LMNA: variants seen among roughly 807,000 people sequenced by gnomAD.
LMNA encodes the protein lamin.
LMNA carries 20 observed loss-of-function variants against 70.4 expected under a neutral mutation model. The observed-to-expected ratio is 0.28, with a 90% CI of 0.20 to 0.41. The LOEUF is 0.41. Among genes scored for constraint, LMNA ranks in the 10% least tolerant of loss-of-function variants. The pLI, the probability that LMNA is intolerant of heterozygous loss-of-function variation, is 1.00. For missense variants in LMNA, 652 were observed against 917.2 expected, an observed-to-expected ratio of 0.71 and a Z score of 3.73; for synonymous variants, 339 against 372.8, an observed-to-expected ratio of 0.91 and a Z score of 1.04.
intron 2 of LMNA, among the ~76,000 whole-genome samples, chr1:156,087,795 C>A (rs1476522262): frequency 6.6e-6 from 1 of 152,118 alleles, no homozygotes; most frequent in African/African-American, 2.4e-5. Flanking sequence ...TCAGGTGATC[C>A]TCCCACTTCA....
chr1:156,130,107 G>C (rs928501142), intron 1 of LMNA, among the ~76,000 whole-genome samples: 8 of 152,140 alleles, frequency 5.3e-5, no homozygotes, highest in African/African-American at 1.9e-4. Context: ...TGTGTAAAAG[G>C]GACTAGGAGA....
Position 156,134,534 on chromosome 1 carries a change from G to A in LMNA, c.639+6G>A. 6.2e-7 allele frequency: 1 copy of A among 1,613,832 alleles called. No individual in the cohort carries two copies. The highest frequency in any genetic ancestry group is 2.2e-5 in the East Asian group (1 of 44,888). On this transcript the variant is annotated splice_donor_region_variant and intron_variant, in intron 3 of 11. Transcript: ENST00000368300. This position sits in a 1 kb window ranked among gnomAD's most constrained non-coding sequence, Gnocchi z 5.3. ...AGAAGAACATCTACAGTGAGGTGGGGACTGTGCTTTGCAAGCCAGAGGGCT... is the reference window on the plus strand; with the variant it reads ...AGAAGAACATCTACAGTGAGGTGGGAACTGTGCTTTGCAAGCCAGAGGGCT...
At position 156,103,794 on chromosome 1, in the gene LMNA, C is replaced by CT. The variant is rs1310639737; in HGVS notation, c.-206-10916dup. 6.6e-6 allele frequency among the ~76,000 whole-genome samples: 1 copy of CT among 152,166 alleles called. No homozygotes were observed. The highest frequency in any genetic ancestry group is 1.5e-5 in the Non-Finnish European group (1 of 68,016). Reference sequence around the variant, plus strand: ...TTGAACATACCCCACCCTCCCTGCTCTTTATCCCTCAACGCCCTCCCCTGC... The same window carrying CT: ...TTGAACATACCCCACCCTCCCTGCTCTTTTATCCCTCAACGCCCTCCCCTGC... On this transcript the variant is annotated intron_variant, in intron 3 of 12. Transcript: ENST00000368301. This position sits in a 1 kb window ranked among gnomAD's most constrained non-coding sequence, Gnocchi z 4.7.
At position 156,136,966 on chromosome 1, in the gene LMNA, G is replaced by T. The variant is rs886039032; in HGVS notation, c.1426G>T (p.Asp476Tyr). The T allele has an allele frequency of 3.1e-6, 5 of 1,614,178 alleles. No homozygotes were observed. Among genetic ancestry groups the T allele is most frequent in the Non-Finnish European group, 3.4e-6 (4 of 1,180,030 alleles). ...NWQIKRQNGD[D>Y]PLLTYRFPPK... Reference sequence around the variant, plus strand: ...GCAGATCAAGCGCCAGAATGGAGATGATCCCTTGCTGACTTACCGGTTCCC... The same window carrying T: ...GCAGATCAAGCGCCAGAATGGAGATTATCCCTTGCTGACTTACCGGTTCCC... The change falls in exon 8 of 12, where the codon GAT becomes TAT. Residue 476 changes from aspartate to tyrosine, a missense_variant. Coordinates refer to ENST00000368300, the MANE Select transcript of LMNA (RefSeq NM_170707.4). The surrounding 1 kb of genome is among the most constrained non-coding windows in gnomAD (Gnocchi z 6.1).
rs1250355311 is a variant in LMNA at position 156,138,501 on chromosome 1, G to A, written c.1712G>A (p.Ser571Asn). 6.2e-7 allele frequency: 1 copy of A among 1,612,348 alleles called. No homozygotes were observed. Among genetic ancestry groups the A allele is most frequent in the Non-Finnish European group, 8.5e-7 (1 of 1,179,786 alleles). The stretch of plus-strand genomic sequence containing the variant: ...CTCCCTTCCCAGGGCTCCCACTGCA[G>A]CAGCTCGGGGGACCCCGCTGAGTAC... ...LLHHHHGSHC[S>N]SSGDPAEYNL... Residue 571 changes from serine to asparagine, a missense_variant, in exon 11 of 12, where the codon AGC becomes AAC. Physicochemically the swap from Ser to Asn is conservative, Grantham distance 46. This residue lies in a region of LMNA where 327 missense variants were observed against 387.6 expected (regional missense o/e 0.84). Transcript: ENST00000368300. The surrounding 1 kb of genome is among the most constrained non-coding windows in gnomAD (Gnocchi z 5.5).
rs982993980 is a variant in LMNA at position 156,139,718 on chromosome 1, G to A, written c.*612G>A. ...CCACCCCTGCCCCCAGCCCCGGGGT[G>A]AGTCCATTCTCCCAGGTACCAGCTG... is the stretch of plus-strand genomic sequence containing the variant. On this transcript the variant is annotated 3_prime_UTR_variant, in exon 12 of 12. Coordinates refer to ENST00000368300, the MANE Select transcript of LMNA (RefSeq NM_170707.4). 16 of 1,530,424 alleles carry A rather than the reference G, an allele frequency of 1.0e-5. No homozygotes were observed. Among genetic ancestry groups the A allele is most frequent in the Admixed American group, 2.0e-5 (1 of 50,858 alleles). 94.8% of individuals were successfully genotyped at this position (1,530,424 alleles called of 1,614,324 possible).
intron 3 of LMNA, among the ~76,000 whole-genome samples, chr1:156,106,301 G>T (rs1455844763): frequency 1.3e-5 from 2 of 152,226 alleles, no homozygotes; most frequent in African/African-American, 4.8e-5. Context: ...AATGTGTAGG[G>T]GCGTGAGCTA....
intron 1 of LMNA, chr1:156,126,612 C>A: frequency 1.0e-6 from 1 of 992,100 alleles, no homozygotes; most frequent in Non-Finnish European, 1.6e-6. Context: ...CCTTGTCCCA[C>A]CAGGCACAGC....
rs557391431 is a variant in LMNA at position 156,108,222 on chromosome 1, G to T, written c.-206-6491G>T. On this transcript the variant is annotated intron_variant, in intron 3 of 12. Coordinates refer to the LMNA transcript ENST00000368301. ...GTAGGCACGGTCTTCCACTGTCAAGGTTATAACTATCACCTGCACATGAGT... is the reference window on the plus strand; with the variant it reads ...GTAGGCACGGTCTTCCACTGTCAAGTTTATAACTATCACCTGCACATGAGT... 2.0e-5 allele frequency among the ~76,000 whole-genome samples: 3 copies of T among 152,220 alleles called. No individual in the cohort carries two copies. In the East Asian group the frequency reaches 5.8e-4, roughly 29 times the overall value.
In LMNA at chr1:156,139,451, C is replaced by T; in HGVS notation, c.*345C>T. 1 of 1,341,212 alleles carries T rather than the reference C, an allele frequency of 7.5e-7. No homozygotes were observed. Among genetic ancestry groups the T allele is most frequent in the Non-Finnish European group, 9.5e-7 (1 of 1,048,060 alleles). 83.1% of individuals were successfully genotyped at this position (1,341,212 alleles called of 1,614,324 possible). A position where few individuals can be genotyped will look rare whatever the true frequency, so the allele number is the denominator to read the frequency against. On this transcript the variant is annotated 3_prime_UTR_variant, in exon 12 of 12. Transcript: ENST00000368300. The stretch of plus-strand genomic sequence containing the variant: ...AGGGAAAGGGGTGCTTTTATAGAGG[C>T]TAGCTTCTGCTTTTCTGCCCTGGCT...
chr1:156,088,165 G>A (rs993717216), intron 2 of LMNA, among the ~76,000 whole-genome samples: 6 of 151,908 alleles, frequency 3.9e-5, no homozygotes, highest in East Asian at 1.9e-4. Flanking sequence ...CCACCAGCCC[G>A]GCCCCAGCCT....
At chr1:156,095,549 G>C (rs1383901990) in intron 3 of LMNA, among the ~76,000 whole-genome samples, 1 of 151,224 alleles carries the variant, frequency 6.6e-6, no homozygotes, top group Non-Finnish European at 1.5e-5. Flanking sequence ...TAGAGACGGG[G>C]TTTCACCAGG....
intron 2 of LMNA, among the ~76,000 whole-genome samples, chr1:156,087,888 T>C (rs982615770): frequency 1.3e-5 from 2 of 151,652 alleles, no homozygotes; most frequent in Non-Finnish European, 2.9e-5. Context: ...CTTTTTTTTT[T>C]TTGAGATGGT....
At chr1:156,127,270 G>C (rs959986494) in intron 1 of LMNA, among the ~76,000 whole-genome samples, 6 of 152,156 alleles carry the variant, frequency 3.9e-5, no homozygotes, top group African/African-American at 2.4e-5. Context: ...CTTGGGGTGT[G>C]CGTGTGGCTC....
chr1:156,095,077 A>G (rs1390944649), intron 3 of LMNA, among the ~76,000 whole-genome samples: 1 of 152,090 alleles, frequency 6.6e-6, no homozygotes, highest in African/African-American at 2.4e-5. Context: ...GCACGCCACC[A>G]TGCCCGGCTA....
intron 1 of LMNA, among the ~76,000 whole-genome samples, chr1:156,127,881 T>C (rs558590943): frequency 1.3e-5 from 2 of 152,150 alleles, no homozygotes; most frequent in African/African-American, 4.8e-5. Context: ...GAGTCAGAGT[T>C]TCACCATGTT....
chr1:156,092,667 G>T (rs1416721983), intron 3 of LMNA, among the ~76,000 whole-genome samples: 1 of 148,304 alleles, frequency 6.7e-6, no homozygotes, highest in Non-Finnish European at 1.5e-5. Context: ...ACAACAGAGC[G>T]AGACTCCATC....
At position 156,134,454 on chromosome 1, in the gene LMNA, C is replaced by T. The variant is rs267607626; in HGVS notation, c.565C>T (p.Arg189Trp). Reference protein sequence around the residue: ...AKKQLQDEMLRRVDAENRLQT... With the variant: ...AKKQLQDEMLWRVDAENRLQT... ...GAAGCAACTTCAGGATGAGATGCTG[C>T]GGCGGGTGGATGCTGAGAACAGGCT... is the stretch of plus-strand genomic sequence containing the variant. Residue 189 changes from arginine to tryptophan, a missense_variant, in exon 3 of 12, where the codon CGG becomes TGG. By Grantham distance (101) the Arg-to-Trp change is moderately radical. Around this residue, in one of 4 missense-constraint regions of LMNA, gnomAD observed 254 missense variants for 421.9 expected, o/e 0.60. Transcript: ENST00000368300. The surrounding 1 kb of genome is among the most constrained non-coding windows in gnomAD (Gnocchi z 5.3). The T allele has an allele frequency of 9.3e-6, 15 of 1,614,120 alleles. No homozygotes were observed. Among genetic ancestry groups the T allele is most frequent in the East Asian group, 6.7e-5 (3 of 44,882 alleles).
intron 3 of LMNA, among the ~76,000 whole-genome samples, chr1:156,099,519 G>A (rs1354447871): frequency 6.6e-6 from 1 of 152,192 alleles, no homozygotes; most frequent in Non-Finnish European, 1.5e-5. Context: ...TGAGGCTGGG[G>A]CAGGAGGATT....
Sources: gnomAD v4.1 joint callset for allele counts (sites outside exome capture counted in the v4.1 genomes callset) on GRCh38, gnomAD v4.1.1 for gene constraint, gnomAD v4.1.1 regional missense constraint, Gnocchi (gnomAD v3.1) non-coding constraint, MANE v1.5 for transcripts, NCBI Gene and HGNC (gene_info 2026-07-23, HGNC 2026-07-21) for gene names.